EPB41L3: variants seen among roughly 807,000 people sequenced by gnomAD.
EPB41L3 encodes erythrocyte membrane protein band 4.1 like 3.
Under a neutral mutation model 127.1 loss-of-function variants are expected in EPB41L3, and 57 were observed. The observed-to-expected ratio is 0.45, with a 90% CI of 0.36 to 0.56. The LOEUF is 0.56. Ranked by LOEUF, EPB41L3 falls within the 20% of genes least tolerant of loss-of-function variation. The probability of loss-of-function intolerance (pLI) is 0.00; values close to 1 mark genes in which losing one functional copy is unlikely to be tolerated. For synonymous variants in EPB41L3, 572 were observed against 549.5 expected (o/e 1.04, Z -0.57); for missense variants, 1,273 against 1,372.2 (o/e 0.93, Z 1.14).
intron 1 of EPB41L3, among the ~76,000 whole-genome samples, chr18:5,540,947 T>G (rs558988153): frequency 6.6e-6 from 1 of 151,426 alleles, no homozygotes; most frequent in Non-Finnish European, 1.5e-5. Flanking sequence ...TAGCCGGGCG[T>G]GGTGGCGGGC....
intron 3 of EPB41L3, among the ~76,000 whole-genome samples, chr18:5,575,688 G>C (rs1007257952): frequency 1.1e-4 from 17 of 151,932 alleles, no homozygotes; most frequent in Non-Finnish European, 2.1e-4. Flanking sequence ...AATATAAAAA[G>C]TAGCCAGGCG....
At position 5,562,868 on chromosome 18, in the gene EPB41L3, G is replaced by A. The variant is rs542691424; in HGVS notation, c.-306+49472C>T. Reference sequence around the variant, plus strand: ...CGGATGTTTATTGAGCACTTACTGCGTGACTTAGTAATGTACAGTATTAAG... The same window carrying A: ...CGGATGTTTATTGAGCACTTACTGCATGACTTAGTAATGTACAGTATTAAG... On this transcript the variant is annotated intron_variant, in intron 3 of 21. Coordinates refer to the EPB41L3 transcript ENST00000545076. Among the ~76,000 whole-genome samples the A allele has an allele frequency of 1.1e-4, 16 of 152,312 alleles. No individual in the cohort carries two copies. The South Asian group carries it at 2.3e-3, about 22-fold the overall frequency.
At chr18:5,469,077 C>A (rs1374648442) in intron 3 of EPB41L3, among the ~76,000 whole-genome samples, 5 of 152,232 alleles carry the variant, frequency 3.3e-5, no homozygotes, top group Admixed American at 3.3e-4. Flanking sequence ...GTACCTCATT[C>A]TTCCTGCACA....
intron 8 of EPB41L3, 43 bp from the exon 9 acceptor site, chr18:5,428,508 AT>A (rs769146943): frequency 1.2e-6 from 2 of 1,603,828 alleles, no homozygotes; most frequent in Middle Eastern, 1.7e-4. Flanking sequence ...TATCTAACTT[AT>A]TTCCATTTTC....
At chr18:5,585,075 A>G (rs2094430812) in intron 3 of EPB41L3, among the ~76,000 whole-genome samples, 2 of 152,196 alleles carry the variant, frequency 1.3e-5, no homozygotes, top group Admixed American at 1.3e-4. Context: ...AGACTCAGAA[A>G]CTGAAATTTA....
At position 5,571,750 on chromosome 18, in the gene EPB41L3, A is replaced by G. The variant is rs1434956993; in HGVS notation, c.-306+40590T>C. On this transcript the variant is annotated intron_variant, in intron 3 of 21. Coordinates refer to the EPB41L3 transcript ENST00000545076. ...TATCCATTGAGGGATATGTCCTTAC[A>G]TTTCATCAGGGCAAAATAACTCCAC... Among the ~76,000 whole-genome samples the G allele has an allele frequency of 6.6e-5, 10 of 152,194 alleles. No individual in the cohort carries two copies. The East Asian group carries it at 1.9e-3, about 29-fold the overall frequency.
At chr18:5,608,357 A>G (rs2094686637) in intron 3 of EPB41L3, among the ~76,000 whole-genome samples, 1 of 152,174 alleles carries the variant, frequency 6.6e-6, no homozygotes, top group South Asian at 2.1e-4. Context: ...CAAAAAAACA[A>G]ATAAGAAAAC....
intron 3 of EPB41L3, among the ~76,000 whole-genome samples, chr18:5,563,485 A>T (rs775912476): frequency 2.6e-5 from 4 of 152,206 alleles, no homozygotes; most frequent in Non-Finnish European, 5.9e-5. Context: ...TATATGAATA[A>T]ATTATTCTTA....
At chr18:5,626,816 C>G (rs996462334) in intron 1 of EPB41L3, among the ~76,000 whole-genome samples, 1 of 152,220 alleles carries the variant, frequency 6.6e-6, no homozygotes, top group Non-Finnish European at 1.5e-5. Flanking sequence ...GTTTTTGCTT[C>G]TCCCTCCCTA....
intron 1 of EPB41L3, among the ~76,000 whole-genome samples, chr18:5,522,451 T>C (rs1190684181): frequency 5.9e-5 from 9 of 152,190 alleles, no homozygotes; most frequent in Non-Finnish European, 1.2e-4. Context: ...ACTTCCATGA[T>C]AGTCATCATA....
Position 5,416,254 on chromosome 18 carries a change from G to A in EPB41L3, c.1631C>T (p.Pro544Leu), listed in dbSNP as rs369688255. 12 of 1,614,006 alleles carry A rather than the reference G, an allele frequency of 7.4e-6. No individual in the cohort carries two copies. Among genetic ancestry groups the A allele is most frequent in the African/African-American group, 2.7e-5 (2 of 74,906 alleles). ...TCCAGGCAGGTGCTCAGCTCTGGAC[G>A]GCTCATAACCTGGCAGTTTGCAGTC... The part of the protein sequence containing the change: ...ENDCKLPGYE[P>L]SRAEHLPGEP... Residue 544 changes from proline to leucine, a missense_variant, in exon 13 of 23, where the codon CCG (proline) becomes CTG (leucine). By Grantham distance (98) the Pro-to-Leu change is moderately conservative. This residue lies in a region of EPB41L3 where 765 missense variants were observed against 782.9 expected (regional missense o/e 0.98). Coordinates refer to ENST00000341928, the MANE Select transcript of EPB41L3 (RefSeq NM_012307.5).
At chr18:5,567,494 G>T (rs777076345) in intron 3 of EPB41L3, 7 of 152,130 alleles carry the variant, frequency 4.6e-5, no homozygotes, top group Non-Finnish European at 8.8e-5. Flanking sequence ...GCTGTCATAT[G>T]GTTCTCCTTC....
At chr18:5,436,923 T>C (rs565557503) in intron 6 of EPB41L3, among the ~76,000 whole-genome samples, 5 of 152,332 alleles carry the variant, frequency 3.3e-5, no homozygotes, top group South Asian at 2.1e-4. Flanking sequence ...TAGCAAGTGA[T>C]TGAAGTTGTT....
At chr18:5,568,427 TAAA>T (rs555002375) in intron 3 of EPB41L3, among the ~76,000 whole-genome samples, 4 of 109,290 alleles carry the variant, frequency 3.7e-5, no homozygotes, top group Admixed American at 2.0e-4. Context: ...CTCTGGATAG[TAAA>T]AAAAAAAAAA....
At chr18:5,456,668 G>C (rs1430581252) in intron 3 of EPB41L3, among the ~76,000 whole-genome samples, 1 of 152,166 alleles carries the variant, frequency 6.6e-6, no homozygotes, top group Non-Finnish European at 1.5e-5. Context: ...TACCCTGTTT[G>C]AGCCACTGAG....
chr18:5,428,172 C>G, intron 9 of EPB41L3, 141 bp downstream of exon 9: 1 of 886,400 alleles, frequency 1.1e-6, no homozygotes, highest in Non-Finnish European at 1.7e-6. Flanking sequence ...ATTGGGCAAA[C>G]CTACAATAAA....
At chr18:5,514,243 T>G (rs2092662428) in intron 1 of EPB41L3, among the ~76,000 whole-genome samples, 2 of 152,192 alleles carry the variant, frequency 1.3e-5, no homozygotes, top group African/African-American at 4.8e-5. Context: ...CACCACTGAT[T>G]ATAGTGCAAA....
At chr18:5,630,621 G>T (rs781075121), upstream of EPB41L3, 10 of 461,472 alleles carry the variant, frequency 2.2e-5, no homozygotes, top group African/African-American at 1.7e-4. Flanking sequence ...CTGCGGTGGC[G>T]GCACCTCCAA....
At chr18:5,542,661 C>G (rs1232140447) in intron 1 of EPB41L3, among the ~76,000 whole-genome samples, 1 of 152,192 alleles carries the variant, frequency 6.6e-6, no homozygotes, top group Non-Finnish European at 1.5e-5. Flanking sequence ...CTTTATCATT[C>G]TATTTGTTCT....
Sources: allele counts gnomAD v4.1 joint callset (sites outside exome capture counted in the v4.1 genomes callset), GRCh38; gene constraint gnomAD v4.1.1; regional missense constraint gnomAD v4.1.1; transcripts MANE v1.5; gene names NCBI Gene and HGNC (gene_info 2026-07-23, HGNC 2026-07-21).